The following CACNB2 variants were observed in gnomAD, a reference collection of about 807,000 sequenced individuals.
CACNB2 encodes the protein calcium voltage-gated channel auxiliary subunit beta 2.
In CACNB2, 42 loss-of-function variants were observed where a neutral mutation model predicts 73.3. The ratio of observed to expected loss-of-function variants is 0.57; its 90% CI spans 0.45 to 0.74. The LOEUF (loss-of-function observed/expected upper bound fraction) is 0.74. Ranked by LOEUF, CACNB2 falls within the 30% of genes least tolerant of loss-of-function variation. The pLI, the probability that CACNB2 is intolerant of heterozygous loss-of-function variation, is 0.00. For missense variants in CACNB2, 940 were observed against 853.0 expected (o/e 1.10, Z -1.27); for synonymous variants, 348 against 310.3 (o/e 1.12, Z -1.28).
chr10:18,477,630 A>G (rs1342120314), intron 3 of CACNB2, among the ~76,000 whole-genome samples: 1 of 152,176 alleles, frequency 6.6e-6, no homozygotes, highest in East Asian at 1.9e-4. Flanking sequence ...GCCTTTCTCC[A>G]AAGGTGAATT....
chr10:18,483,226 G>A (rs143386166), intron 3 of CACNB2, among the ~76,000 whole-genome samples: 47 of 150,618 alleles, frequency 3.1e-4, no homozygotes, highest in South Asian at 4.2e-4. Context: ...AATCATTTTC[G>A]TTTAAAAAAA....
In CACNB2 at chr10:18,539,214, C is replaced by T. The variant is rs754149210; in HGVS notation, c.1489-16C>T. 5 of 1,613,854 alleles carry T rather than the reference C, an allele frequency of 3.1e-6. No individual in the cohort carries two copies. In the African/African-American group the frequency reaches 6.7e-5, roughly 22 times the overall value. On this transcript the variant is annotated splice_polypyrimidine_tract_variant and intron_variant, in intron 13 of 13. Coordinates refer to ENST00000324631, the MANE Select transcript of CACNB2 (RefSeq NM_201596.3). The stretch of plus-strand genomic sequence containing the variant: ...CTGACCTTGGTTAACGCCTGGTGTG[C>T]TCCTTTCGCTGCCAGGGTTCTCAAG...
intron 3 of CACNB2, among the ~76,000 whole-genome samples, chr10:18,417,687 G>C (rs2045071698): frequency 6.6e-6 from 1 of 152,064 alleles, no homozygotes; most frequent in African/African-American, 2.4e-5. Flanking sequence ...GACCTTCCAG[G>C]ATGTCTGTGT....
At chr10:18,274,878 A>T (rs141484887) in intron 2 of CACNB2, among the ~76,000 whole-genome samples, 2,009 of 152,040 alleles carry the variant, frequency 0.013, 13 homozygotes, top group African/African-American at 0.026. Flanking sequence ...CTGATTTTTC[A>T]TTTTTTTCTT....
intron 2 of CACNB2, among the ~76,000 whole-genome samples, chr10:18,287,399 A>C (rs1007462105): frequency 6.6e-6 from 1 of 152,204 alleles, no homozygotes; most frequent in African/African-American, 2.4e-5. Flanking sequence ...GACATTAATG[A>C]AAGGAGCTTG....
At chr10:18,401,251 T>G (rs903429861) in intron 2 of CACNB2, 2 of 974,894 alleles carry the variant, frequency 2.1e-6, no homozygotes, top group Non-Finnish European at 3.1e-6. Context: ...TCTCATTTTT[T>G]GAGCTCCTTT....
intron 1 of CACNB2, 101 bp downstream of exon 1, chr10:18,140,957 G>T (rs2030322572): frequency 2.6e-6 from 4 of 1,523,050 alleles, no homozygotes; most frequent in African/African-American, 1.4e-5. Flanking sequence ...CTCTAGCCTC[G>T]CACCTCCTCC....
intron 1 of CACNB2, 112 bp downstream of exon 1, chr10:18,140,968 C>G: frequency 3.3e-6 from 5 of 1,518,600 alleles, no homozygotes; most frequent in Non-Finnish European, 4.4e-6. Context: ...CACCTCCTCC[C>G]CTCGTCGCCT....
rs1199101547 is a variant in CACNB2 at position 18,315,518 on chromosome 10, A to AC, written c.214-86406_214-86405insC. On this transcript the variant is annotated intron_variant, in intron 2 of 13. Transcript: ENST00000324631. Reference sequence around the variant, plus strand: ...TCTATTTAAAAAAAAAAAAAAAAAAAAAAAAAAAAACTTTTTTTTTTTTTA... The same window carrying AC: ...TCTATTTAAAAAAAAAAAAAAAAAAACAAAAAAAAAACTTTTTTTTTTTTTA... Among the ~76,000 whole-genome samples the AC allele has an allele frequency of 4.0e-4, 52 of 129,376 alleles. 1 individual carries two copies. Among genetic ancestry groups the AC allele is most frequent in the Non-Finnish European group, 7.2e-4 (43 of 59,814 alleles). 84.9% of individuals were successfully genotyped at this position (129,376 alleles called of 152,430 possible).
At chr10:18,392,890 TA>T (rs1236931188) in intron 2 of CACNB2, among the ~76,000 whole-genome samples, 2 of 152,164 alleles carry the variant, frequency 1.3e-5, no homozygotes, top group Admixed American at 6.5e-5. Flanking sequence ...AGTTTGTATA[TA>T]AAAAATTATA....
intron 3 of CACNB2, among the ~76,000 whole-genome samples, chr10:18,473,829 C>T (rs1445311275): frequency 3.3e-5 from 5 of 152,132 alleles, no homozygotes; most frequent in Non-Finnish European, 1.5e-5. Flanking sequence ...AAAAATAATT[C>T]CCTAAGGTTT....
In CACNB2 at chr10:18,286,327, T is replaced by C. The variant is rs551482665; in HGVS notation, c.214-115597T>C. Among the ~76,000 whole-genome samples the C allele has an allele frequency of 8.6e-5, 13 of 151,894 alleles. 1 individual carries two copies. Among genetic ancestry groups the C allele is most frequent in the South Asian group, 4.2e-4 (2 of 4,816 alleles). Reference sequence around the variant, plus strand: ...GTCAGGAGATCCAGACCATCCTGGCTAACACGGTGAAACCCCGTCTCTACT... The same window carrying C: ...GTCAGGAGATCCAGACCATCCTGGCCAACACGGTGAAACCCCGTCTCTACT... On this transcript the variant is annotated intron_variant, in intron 2 of 13. Transcript: ENST00000324631.
At chr10:18,191,333 A>G (rs2034384725) in intron 2 of CACNB2, among the ~76,000 whole-genome samples, 1 of 152,184 alleles carries the variant, frequency 6.6e-6, no homozygotes, top group Admixed American at 6.5e-5. Context: ...AGAACTTGAC[A>G]CCAGCTGCCC....
chr10:18,243,891 T>C (rs889172134), intron 2 of CACNB2, among the ~76,000 whole-genome samples: 3 of 152,218 alleles, frequency 2.0e-5, no homozygotes, highest in African/African-American at 7.2e-5. Context: ...TATTCAGTTA[T>C]AGCCATGGCA....
chr10:18,386,599 G>T (rs1166878172), intron 2 of CACNB2, among the ~76,000 whole-genome samples: 1 of 151,638 alleles, frequency 6.6e-6, no homozygotes, highest in East Asian at 1.9e-4. Context: ...GTAGAGACAG[G>T]GTTTCACCGT....
intron 2 of CACNB2, among the ~76,000 whole-genome samples, chr10:18,300,774 G>A (rs2039478647): frequency 6.6e-6 from 1 of 152,078 alleles, no homozygotes; most frequent in Non-Finnish European, 1.5e-5. Context: ...GCTTGAACCC[G>A]GGAGGCAGAG....
intron 2 of CACNB2, among the ~76,000 whole-genome samples, chr10:18,371,704 T>C (rs1280229953): frequency 3.9e-5 from 6 of 152,208 alleles, no homozygotes; most frequent in Non-Finnish European, 7.3e-5. Flanking sequence ...TTATAATCCT[T>C]TGGGTATATA....
intron 6 of CACNB2, 62 bp from the exon 7 acceptor site, chr10:18,514,174 A>G: frequency 6.4e-7 from 1 of 1,567,750 alleles, no homozygotes; most frequent in Non-Finnish European, 8.8e-7. Context: ...CTTTCATTTT[A>G]TTTTCTTTAT....
chr10:18,380,871 G>A (rs1435280638), intron 2 of CACNB2, among the ~76,000 whole-genome samples: 1 of 152,064 alleles, frequency 6.6e-6, no homozygotes, highest in Non-Finnish European at 1.5e-5. Flanking sequence ...CCAACTGGGG[G>A]ATCCTACTTT....
Sources: allele counts gnomAD v4.1 joint callset (sites outside exome capture counted in the v4.1 genomes callset), GRCh38; gene constraint gnomAD v4.1.1; transcripts MANE v1.5; gene names NCBI Gene and HGNC (gene_info 2026-07-23, HGNC 2026-07-21).